FBLN1: variants seen among roughly 807,000 people sequenced by gnomAD.
The protein encoded by FBLN1 is fibulin-1.
A neutral mutation model predicts 89.7 loss-of-function variants in FBLN1; 34 were observed. That is an observed-to-expected ratio of 0.38 (90% CI 0.29 to 0.50). FBLN1 has a LOEUF of 0.50. Among genes scored for constraint, FBLN1 ranks in the 20% least tolerant of loss-of-function variants. The pLI is 0.92. For missense variants in FBLN1, 777 were observed against 988.1 expected (o/e 0.79, Z 2.86); for synonymous variants, 393 against 391.3 (o/e 1.00, Z -0.05).
In FBLN1 at chr22:45,594,140, G is replaced by C. The variant is rs556988747; in HGVS notation, c.1973-6167G>C. On this transcript the variant is annotated intron_variant, in intron 16 of 16. Transcript: ENST00000327858. ...GTGGATGGATGGAACCAGGCCCCTG[G>C]TGGCAGCTCTCATGTTTGCGATGCT... is the stretch of plus-strand genomic sequence containing the variant. 2.1e-4 allele frequency among the ~76,000 whole-genome samples: 28 copies of C among 131,320 alleles called. No individual in the cohort carries two copies. The East Asian group carries it at 3.4e-3, about 16-fold the overall frequency. The allele number at this position is 131,320 out of a possible 152,430, so 86.2% of individuals were successfully genotyped here.
Position 45,577,206 on chromosome 22 carries a change from C to T in FBLN1, c.1972+98C>T. On this transcript the variant is annotated intron_variant, in intron 16 of 16. Transcript: ENST00000327858. The surrounding 1 kb of genome is among the most constrained non-coding windows in gnomAD (Gnocchi z 6.6). ...CCAACTCCCATCTGAGTCCCCTCCCCAAATTCAAGCCCACCCAACCTTCAG... is the reference window on the plus strand; with the variant it reads ...CCAACTCCCATCTGAGTCCCCTCCCTAAATTCAAGCCCACCCAACCTTCAG... The T allele has an allele frequency of 2.2e-6, 3 of 1,388,280 alleles. No homozygotes were observed. Among genetic ancestry groups the T allele is most frequent in the Non-Finnish European group, 3.0e-6 (3 of 995,004 alleles). The allele number at this position is 1,388,280 out of a possible 1,614,324, so 86.0% of individuals were successfully genotyped here.
At chr22:45,600,099 A>T (rs1444549357) in intron 16 of FBLN1, among the ~76,000 whole-genome samples, 1 of 152,174 alleles carries the variant, frequency 6.6e-6, no homozygotes, top group Non-Finnish European at 1.5e-5. Context: ...GTTCACTTTC[A>T]CCAGTCCCTG....
chr22:45,541,636 G>A (rs558972502), intron 9 of FBLN1, among the ~76,000 whole-genome samples: 11 of 152,142 alleles, frequency 7.2e-5, no homozygotes, highest in Admixed American at 1.3e-4. Context: ...TCAGCTCCCC[G>A]TTGGTGACAA....
Position 45,504,653 on chromosome 22 carries a change from G to C in FBLN1, c.79+1589G>C, listed in dbSNP as rs73889999. Among the ~76,000 whole-genome samples, 1,273 of 152,190 alleles carry C rather than the reference G, an allele frequency of 8.4e-3. 21 individuals carry two copies. The highest frequency in any genetic ancestry group is 0.029 in the African/African-American group (1,211 of 41,516). On this transcript the variant is annotated intron_variant, in intron 1 of 16. Transcript: ENST00000327858. ...GCGTGGTAAAACTCTCCCTGGCCCC[G>C]GAGTCTCTGCGTTCCCTCTCACTGT...
intron 2 of FBLN1, among the ~76,000 whole-genome samples, chr22:45,521,659 G>C (rs926078667): frequency 3.3e-5 from 5 of 152,190 alleles, no homozygotes; most frequent in African/African-American, 1.2e-4. Context: ...CCCACATAAG[G>C]GTTCAGGAGG....
chr22:45,596,647 A>G (rs2089188935), intron 16 of FBLN1, among the ~76,000 whole-genome samples: 1 of 148,152 alleles, frequency 6.7e-6, no homozygotes, highest in Non-Finnish European at 1.5e-5. Flanking sequence ...ATATACATAT[A>G]TCAACATAAT....
intron 2 of FBLN1, among the ~76,000 whole-genome samples, chr22:45,522,251 G>C (rs981319192): frequency 1.3e-5 from 2 of 152,222 alleles, no homozygotes; most frequent in African/African-American, 4.8e-5. Context: ...CTCCCAACAT[G>C]CTGAGATTAC....
At position 45,530,752 on chromosome 22, in the gene FBLN1, C is replaced by T. The variant is rs2088394347; in HGVS notation, c.485-513C>T. Among the ~76,000 whole-genome samples the T allele has an allele frequency of 6.6e-6, 1 of 150,744 alleles. No homozygotes were observed. The highest frequency in any genetic ancestry group is 6.6e-5 in the Admixed American group (1 of 15,118). ...GATTACAGGCCTTTGTGTCTGTGGTCTTTCTGTTATAACTGATCTTTTTTT... is the reference window on the plus strand; with the variant it reads ...GATTACAGGCCTTTGTGTCTGTGGTTTTTCTGTTATAACTGATCTTTTTTT... On this transcript the variant is annotated intron_variant, in intron 4 of 16. Coordinates refer to ENST00000327858, the MANE Select transcript of FBLN1 (RefSeq NM_006486.3). The surrounding 1 kb of genome is among the most constrained non-coding windows in gnomAD (Gnocchi z 5.4).
intron 1 of FBLN1, among the ~76,000 whole-genome samples, chr22:45,515,729 T>C (rs1205861376): frequency 2.0e-5 from 3 of 152,198 alleles, no homozygotes; most frequent in Non-Finnish European, 4.4e-5. Context: ...CAGAGAACTT[T>C]CTGTGTGCTT....
intron 14 of FBLN1, among the ~76,000 whole-genome samples, chr22:45,560,894 A>G (rs1020454295): frequency 6.6e-6 from 1 of 152,068 alleles, no homozygotes; most frequent in Admixed American, 6.6e-5. Flanking sequence ...TTGCCTGGCA[A>G]CTGCCTCACA....
chr22:45,527,270 C>G (rs889395471), intron 3 of FBLN1, among the ~76,000 whole-genome samples: 5 of 152,180 alleles, frequency 3.3e-5, no homozygotes, highest in Non-Finnish European at 7.3e-5. Flanking sequence ...TTGGAAGTAA[C>G]TATTGGGACC....
Position 45,576,274 on chromosome 22 carries a change from T to C in FBLN1, c.1841-703T>C, listed in dbSNP as rs1401959939. Among the ~76,000 whole-genome samples the C allele has an allele frequency of 1.3e-5, 2 of 152,176 alleles. No individual in the cohort carries two copies. The highest frequency in any genetic ancestry group is 1.3e-4 in the Admixed American group (2 of 15,282). On this transcript the variant is annotated intron_variant, in intron 15 of 16. Transcript: ENST00000327858. This position sits in a 1 kb window ranked among gnomAD's most constrained non-coding sequence, Gnocchi z 5.2. ...ATCCCCAGTGGCTGGTTTTGTGGCC[T>C]CTCCGGCCAGCCCCGATCTGAGTGT...
chr22:45,534,981 A>T (rs1303777720), intron 7 of FBLN1, among the ~76,000 whole-genome samples: 1 of 152,208 alleles, frequency 6.6e-6, no homozygotes, highest in African/African-American at 2.4e-5. Context: ...TTGCCTCATA[A>T]GAGCCTTGGG....
At position 45,548,630 on chromosome 22, in the gene FBLN1, C is replaced by T. The variant is rs1489084383; in HGVS notation, c.1459C>T (p.Leu487=). 73 of 1,613,632 alleles carry T rather than the reference C, an allele frequency of 4.5e-5. No individual in the cohort carries two copies. The highest frequency in any genetic ancestry group is 6.1e-5 in the Non-Finnish European group (72 of 1,180,016). The part of the protein sequence containing the change: ...VTCEDIDECA[L]PTGGHICSYR... ...CGTTGCAGACATCGACGAGTGCGCC[C>T]TGCCCACCGGGGGCCACATCTGCTC... Residue 487 remains leucine (L), a synonymous_variant, in exon 13 of 17, where the codon CTG becomes TTG. Transcript: ENST00000327858.
chr22:45,590,022 G>A lies in FBLN1; in HGVS notation c.1973-10285G>A, dbSNP rs569968456. 1.2e-4 allele frequency among the ~76,000 whole-genome samples: 18 copies of A among 152,306 alleles called. No individual in the cohort carries two copies. Among genetic ancestry groups the A allele is most frequent in the Admixed American group, 5.9e-4 (9 of 15,306 alleles). On this transcript the variant is annotated intron_variant, in intron 16 of 16. Transcript: ENST00000327858. This position sits in a 1 kb window ranked among gnomAD's most constrained non-coding sequence, Gnocchi z 4.1. ...TCTGCTGCCCCAATCCCCTGTGCCT[G>A]CTCTCCCAGTGGCTGAGAGCCCCAT...
intron 7 of FBLN1, among the ~76,000 whole-genome samples, chr22:45,534,621 C>T (rs964907495): frequency 5.3e-5 from 8 of 152,216 alleles, no homozygotes; most frequent in African/African-American, 1.9e-4. Flanking sequence ...CCCCTTCTGA[C>T]ATCTGAGGGC....
At chr22:45,541,443 G>A (rs2088555274) in intron 9 of FBLN1, 71 bp downstream of exon 9, 3 of 1,590,016 alleles carry the variant, frequency 1.9e-6, no homozygotes, top group South Asian at 2.2e-5. Flanking sequence ...GCCTTCTCTG[G>A]AAGCAGAAAG....
Position 45,583,386 on chromosome 22 carries a change from G to A in FBLN1, c.1972+6278G>A, listed in dbSNP as rs1355689428. On this transcript the variant is annotated intron_variant, in intron 16 of 16. Transcript: ENST00000327858. This position sits in a 1 kb window ranked among gnomAD's most constrained non-coding sequence, Gnocchi z 4.5. ...GGGTGGATGCTTACCTTAGACAGCT[G>A]CTCACCTTAGACATGGTCACCTATA... Among the ~76,000 whole-genome samples the A allele has an allele frequency of 2.0e-5, 3 of 152,158 alleles. No homozygotes were observed. Among genetic ancestry groups the A allele is most frequent in the Non-Finnish European group, 2.9e-5 (2 of 68,024 alleles).
At position 45,562,977 on chromosome 22, in the gene FBLN1, A is replaced by G. The variant is rs2088866230; in HGVS notation, c.1698-11534A>G. ...TCCAAGCTGCCTCTGAGAATAACCT[A>G]CTACCACCTCTCTTTCCCCACCAAC... On this transcript the variant is annotated intron_variant, in intron 14 of 16. Coordinates refer to ENST00000327858, the MANE Select transcript of FBLN1 (RefSeq NM_006486.3). This position sits in a 1 kb window ranked among gnomAD's most constrained non-coding sequence, Gnocchi z 7.8. 1 of 1,613,712 alleles carries G rather than the reference A, an allele frequency of 6.2e-7. No individual in the cohort carries two copies.
Sources: gnomAD v4.1 joint callset for allele counts (sites outside exome capture counted in the v4.1 genomes callset) on GRCh38, gnomAD v4.1.1 for gene constraint, Gnocchi (gnomAD v3.1) non-coding constraint, MANE v1.5 for transcripts, NCBI Gene and HGNC (gene_info 2026-07-23, HGNC 2026-07-21) for gene names.